The following SEM1 variants were observed in gnomAD, a reference collection of about 807,000 sequenced individuals.
The protein encoded by SEM1 is 26S proteasome complex subunit SEM1.
In SEM1, 3 loss-of-function variants were observed where a neutral mutation model predicts 12.7. The ratio of observed to expected loss-of-function variants is 0.24; its 90% CI spans 0.11 to 0.61. The LOEUF (loss-of-function observed/expected upper bound fraction) is 0.61, where lower values mean the gene tolerates loss of function less well. Ranked by LOEUF, SEM1 falls within the 20% of genes least tolerant of loss-of-function variation. SEM1 has a pLI of 0.88. For missense variants in SEM1, 59 were observed against 81.3 expected, an observed-to-expected ratio of 0.73 and a Z score of 1.06; for synonymous variants, 30 against 27.8, an observed-to-expected ratio of 1.08 and a Z score of -0.25.
At chr7:96,511,759 CT>C (rs533275038) in intron 2 of SEM1, among the ~76,000 whole-genome samples, 33 of 151,962 alleles carry the variant, frequency 2.2e-4, no homozygotes, top group Middle Eastern at 3.4e-3. Context: ...ATGGACATTA[CT>C]TTTTTTTAAT....
intron 2 of SEM1, among the ~76,000 whole-genome samples, chr7:96,520,871 C>G (rs1804245994): frequency 6.6e-6 from 1 of 152,074 alleles, no homozygotes; most frequent in Non-Finnish European, 1.5e-5. Context: ...GTCTGGCCCA[C>G]TGATCCCAGC....
intron 2 of SEM1, among the ~76,000 whole-genome samples, chr7:96,611,852 T>G (rs1807550752): frequency 6.6e-6 from 1 of 152,182 alleles, no homozygotes. Flanking sequence ...TTATCTTGTT[T>G]ACATGACTGG....
intron 2 of SEM1, among the ~76,000 whole-genome samples, chr7:96,661,974 G>A (rs1789015902): frequency 8.6e-6 from 1 of 116,558 alleles, no homozygotes; most frequent in Non-Finnish European, 1.7e-5. Flanking sequence ...GGCAACAAGA[G>A]CAAAACTCCG....
chr7:96,566,892 ATTTG>A (rs1273954409), intron 2 of SEM1, among the ~76,000 whole-genome samples: 1 of 151,616 alleles, frequency 6.6e-6, no homozygotes, highest in African/African-American at 2.4e-5. Flanking sequence ...TATTAAGTAA[ATTTG>A]TTTGGGCATG....
chr7:96,581,257 G>T (rs1313027491), intron 2 of SEM1, among the ~76,000 whole-genome samples: 1 of 152,054 alleles, frequency 6.6e-6, no homozygotes. Flanking sequence ...TTTTTCTCAG[G>T]TTTGTCAAAG....
chr7:96,483,964 T>A, exon 4 of SEM1: 1 of 1,530,856 alleles, frequency 6.5e-7, no homozygotes, highest in Non-Finnish European at 8.7e-7. Flanking sequence ...GGGGGCTCAG[T>A]GGAGCAGTGG....
chr7:96,587,286 C>CAA (rs1806672318), intron 2 of SEM1, among the ~76,000 whole-genome samples: 2 of 152,132 alleles, frequency 1.3e-5, no homozygotes, highest in Non-Finnish European at 2.9e-5. Flanking sequence ...TTCTCCATGG[C>CAA]ATCTTTCATA....
downstream of SEM1, among the ~76,000 whole-genome samples, chr7:96,685,923 C>T (rs1789749299): frequency 6.6e-6 from 1 of 152,022 alleles, no homozygotes; most frequent in Non-Finnish European, 1.5e-5. Context: ...TAACACACAA[C>T]TAATAAGTGG....
At chr7:96,603,376 G>A (rs1008267767) in intron 2 of SEM1, among the ~76,000 whole-genome samples, 4 of 152,116 alleles carry the variant, frequency 2.6e-5, no homozygotes, top group Non-Finnish European at 5.9e-5. Flanking sequence ...GTTTATGATC[G>A]TTCTCAAGAT....
At chr7:96,685,803 T>C (rs1032501427), downstream of SEM1, among the ~76,000 whole-genome samples, 1 of 147,368 alleles carries the variant, frequency 6.8e-6, no homozygotes, top group Non-Finnish European at 1.5e-5. Context: ...AAAAAAAAAA[T>C]TGATTGATTA....
intron 1 of SEM1, among the ~76,000 whole-genome samples, chr7:96,488,844 G>T (rs949224370): frequency 4.6e-5 from 7 of 151,970 alleles, no homozygotes; most frequent in African/African-American, 1.7e-4. Context: ...TTGTTCTTTG[G>T]GCTGTGGGTA....
At chr7:96,604,947 C>A (rs116324232) in intron 2 of SEM1, among the ~76,000 whole-genome samples, 1 of 151,586 alleles carries the variant, frequency 6.6e-6, no homozygotes, top group African/African-American at 2.4e-5. Context: ...AAAACCCCAA[C>A]CAACCAACCA....
At chr7:96,542,953 A>G (rs1425259206) in intron 2 of SEM1, among the ~76,000 whole-genome samples, 2 of 152,006 alleles carry the variant, frequency 1.3e-5, no homozygotes, top group East Asian at 1.9e-4. Context: ...GAATATGGAA[A>G]GGATTGCATT....
intron 2 of SEM1, among the ~76,000 whole-genome samples, chr7:96,629,518 T>C (rs1584817371): frequency 6.6e-6 from 1 of 152,108 alleles, no homozygotes; most frequent in Non-Finnish European, 1.5e-5. Flanking sequence ...ATTTGTCTGA[T>C]AGAATTCTGA....
intron 2 of SEM1, among the ~76,000 whole-genome samples, chr7:96,600,829 T>A (rs1359516411): frequency 1.3e-5 from 2 of 152,000 alleles, no homozygotes; most frequent in Non-Finnish European, 2.9e-5. Flanking sequence ...CAGGATGGAG[T>A]CTGCAATGTT....
chr7:96,510,546 C>A (rs185423575), intron 2 of SEM1, among the ~76,000 whole-genome samples: 4 of 152,152 alleles, frequency 2.6e-5, no homozygotes, highest in Admixed American at 2.0e-4. Flanking sequence ...CATCACTGAC[C>A]AAAGCATGGT....
At chr7:96,666,267 C>T (rs1036052095) in intron 2 of SEM1, among the ~76,000 whole-genome samples, 1 of 152,252 alleles carries the variant, frequency 6.6e-6, no homozygotes, top group East Asian at 1.9e-4. Context: ...AACGGAGGCC[C>T]TGTGGTCTCC....
At chr7:96,690,371 A>G (rs767577157) in intron 2 of SEM1, among the ~76,000 whole-genome samples, 4 of 152,142 alleles carry the variant, frequency 2.6e-5, no homozygotes, top group Non-Finnish European at 5.9e-5. Context: ...CACTAACTGC[A>G]TGTATAAATT....
chr7:96,518,535 T>C (rs1256248918), intron 2 of SEM1, among the ~76,000 whole-genome samples: 1 of 152,162 alleles, frequency 6.6e-6, no homozygotes, highest in East Asian at 1.9e-4. Context: ...CCACTGTCCA[T>C]ATCTCTAATT....
Sources: allele counts gnomAD v4.1 joint callset (sites outside exome capture counted in the v4.1 genomes callset), GRCh38; gene constraint gnomAD v4.1.1; transcripts MANE v1.5; gene names NCBI Gene and HGNC (gene_info 2026-07-23, HGNC 2026-07-21).